CPA1: variants seen among roughly 807,000 people sequenced by gnomAD.
The protein encoded by CPA1 is carboxypeptidase A1.
In CPA1, 42 loss-of-function variants were observed where a neutral mutation model predicts 48.7. The observed-to-expected ratio is 0.86, with a 90% CI of 0.67 to 1.11. CPA1 has a LOEUF of 1.11. Among genes scored for constraint, CPA1 ranks in the 50% most tolerant of loss-of-function variants. The pLI is 0.00. For missense variants in CPA1, 477 were observed against 544.7 expected (o/e 0.88, Z 1.24); for synonymous variants, 203 against 217.9 (o/e 0.93, Z 0.60).
chr7:130,386,589 C>A (rs1796480140), intron 9 of CPA1, among the ~76,000 whole-genome samples: 1 of 152,036 alleles, frequency 6.6e-6, no homozygotes, highest in African/African-American at 2.4e-5. Flanking sequence ...GACAATAGGC[C>A]TGATTTATTC....
Position 130,380,524 on chromosome 7 carries a change from CG to C in CPA1, c.9del (p.Leu4CysfsTer4). 7.6e-7 allele frequency: 1 copy of C among 1,314,776 alleles called. No individual in the cohort carries two copies. Among genetic ancestry groups the C allele is most frequent in the Non-Finnish European group, 9.8e-7 (1 of 1,023,500 alleles). The allele number at this position is 1,314,776 out of a possible 1,614,324, so 81.4% of individuals were successfully genotyped here. On this transcript the variant is annotated frameshift_variant, in exon 1 of 10. Transcript: ENST00000011292. LOFTEE classifies it high-confidence loss of function. M[R>X]GLLVLSVLLG... ...GACCTTCCCTCCCGGCAGCAGCATG[CG>C]GGGGTTGCTGGTGTTGAGTGTCCTG...
chr7:130,384,376 CT>C, intron 6 of CPA1, 159 bp from the exon 7 acceptor site: 1 of 625,194 alleles, frequency 1.6e-6, no homozygotes, highest in Admixed American at 2.8e-5. Flanking sequence ...GTGCCTGCAG[CT>C]CAGCTTCCAA....
intron 9 of CPA1, 123 bp downstream of exon 9, chr7:130,386,046 C>A (rs1796470899): frequency 2.5e-6 from 2 of 791,508 alleles, no homozygotes; most frequent in Non-Finnish European, 4.2e-6. Context: ...CAACTGCTGG[C>A]AAGGGCTATT....
rs781892742 is a variant in CPA1 at position 130,381,700 on chromosome 7, A to G, written c.218A>G (p.Gln73Arg). 4.3e-6 allele frequency: 7 copies of G among 1,613,788 alleles called. No individual in the cohort carries two copies. In the African/African-American group the frequency reaches 6.7e-5, roughly 15 times the overall value. The stretch of plus-strand genomic sequence containing the variant: ...GTCCGAGTGCCCTTCCCCAGCATCC[A>G]GGCGGTCAAGATCTTTCTGGAGTCC... ...IDVRVPFPSI[Q>R]AVKIFLESHG... The change falls in exon 3 of 10, where the codon CAG becomes CGG. Residue 73 changes from glutamine (Q) to arginine (R), a missense_variant. Coordinates refer to ENST00000011292, the MANE Select transcript of CPA1 (RefSeq NM_001868.4).
chr7:130,385,368 C>A, intron 8 of CPA1, 23 bp downstream of exon 8: 1 of 1,611,396 alleles, frequency 6.2e-7, no homozygotes. Flanking sequence ...CTCGGCTTGC[C>A]CCCTCGTCCC....
intron 6 of CPA1, 190 bp from the exon 7 acceptor site, chr7:130,384,346 A>T (rs1796444598): frequency 3.4e-6 from 2 of 595,618 alleles, no homozygotes; most frequent in African/African-American, 1.9e-5. Flanking sequence ...ACCAGCTGGG[A>T]GTGGATCCCA....
intron 7 of CPA1, 126 bp from the exon 8 acceptor site, chr7:130,385,020 C>T (rs1796454396): frequency 3.1e-6 from 3 of 961,464 alleles, no homozygotes; most frequent in Admixed American, 2.0e-5. Context: ...TTTGGGCTTT[C>T]CTGAATCCAG....
chr7:130,383,702 C>A lies in CPA1; in HGVS notation c.604C>A (p.Gln202Lys), dbSNP rs61735962. ...FAKKITQDYG[Q>K]DAAFTAILDT... ...CCCCCAGATCACTCAAGACTACGGG[C>A]AGGATGCAGCTTTCACCGCCATTCT... The change falls in exon 6 of 10, where the codon CAG becomes AAG. Residue 202 changes from glutamine to lysine, a missense_variant. Gln to Lys is a moderately conservative substitution (Grantham distance 53). Coordinates refer to ENST00000011292, the MANE Select transcript of CPA1 (RefSeq NM_001868.4). 1,102 of 1,613,880 alleles carry A rather than the reference C, an allele frequency of 6.8e-4. 9 individuals carry two copies. In the African/African-American group the frequency reaches 0.012, roughly 18 times the overall value.
At chr7:130,384,233 C>T (rs886967279) in intron 6 of CPA1, 6 of 483,104 alleles carry the variant, frequency 1.2e-5, no homozygotes, top group South Asian at 2.6e-5. Context: ...GAGGACACCT[C>T]GCAGCTTCTT....
intron 7 of CPA1, 175 bp from the exon 8 acceptor site, chr7:130,384,971 C>A: frequency 1.5e-6 from 1 of 668,516 alleles, no homozygotes. Flanking sequence ...TCTGCCCAAA[C>A]CAGGCTGGGA....
intron 9 of CPA1, among the ~76,000 whole-genome samples, chr7:130,386,199 G>A (rs1282856306): frequency 2.0e-5 from 3 of 151,952 alleles, no homozygotes; most frequent in Non-Finnish European, 2.9e-5. Context: ...GGAGAGTCCT[G>A]CTGGGATTTG....
rs909143710 is a variant in CPA1 at position 130,387,521 on chromosome 7, G to A, written c.1073-303G>A. ...ACTCGGTATATTTAGGGGCTTCACC[G>A]AAAGGGCTGTTGGACAGAGGCTGTT... On this transcript the variant is annotated intron_variant, in intron 9 of 9. Transcript: ENST00000011292. This position sits in a 1 kb window ranked among gnomAD's most constrained non-coding sequence, Gnocchi z 4.6. Among the ~76,000 whole-genome samples, 36 of 152,206 alleles carry A rather than the reference G, an allele frequency of 2.4e-4. 1 individual carries two copies. The highest frequency in any genetic ancestry group is 8.2e-4 in the African/African-American group (34 of 41,458).
At chr7:130,386,023 C>A in intron 9 of CPA1, 100 bp downstream of exon 9, 2 of 1,059,022 alleles carry the variant, frequency 1.9e-6, no homozygotes, top group Non-Finnish European at 2.8e-6. Flanking sequence ...TAGCCAAGGG[C>A]ACCCAGATCT....
chr7:130,383,902 A>G lies in CPA1; in HGVS notation c.696+108A>G, dbSNP rs1250011613. 3.6e-6 allele frequency: 3 copies of G among 832,658 alleles called. No homozygotes were observed. In the Admixed American group the frequency reaches 5.5e-5, roughly 15 times the overall value. The allele number at this position is 832,658 out of a possible 1,614,324, so 51.6% of individuals were successfully genotyped here. On this transcript the variant is annotated intron_variant, in intron 6 of 9. Transcript: ENST00000011292. ...AGCCCCAGAAGTCAAGGGAGGGGCA[A>G]TCAGACCTGTGCTCCTAGCCGAGGG...
At chr7:130,381,027 G>T in intron 1 of CPA1, 71 bp from the exon 2 acceptor site, 1 of 1,270,166 alleles carries the variant, frequency 7.9e-7, no homozygotes, top group Admixed American at 1.8e-5. Flanking sequence ...CCTCCCTCCT[G>T]CACCTGGGGA....
chr7:130,385,317 C>G lies in CPA1; in HGVS notation c.959C>G (p.Thr320Arg), dbSNP rs782510117. The G allele has an allele frequency of 1.9e-6, 3 of 1,614,112 alleles. No homozygotes were observed. The Admixed American group carries it at 5.0e-5, about 27-fold the overall frequency. ...CTCATGTATCCCTATGGCTACAAAACAGAACCAGTCCCTGACCAGGATGAG... is the reference window on the plus strand; with the variant it reads ...CTCATGTATCCCTATGGCTACAAAAGAGAACCAGTCCCTGACCAGGATGAG... ...QLLMYPYGYK[T>R]EPVPDQDELD... Residue 320 changes from threonine (T) to arginine (R), a missense_variant, in exon 8 of 10, where the codon ACA (threonine) becomes AGA (arginine). Coordinates refer to ENST00000011292, the MANE Select transcript of CPA1 (RefSeq NM_001868.4).
Position 130,382,699 on chromosome 7 carries a change from C to T in CPA1, c.483+490C>T, listed in dbSNP as rs1192043701. ...TCACCCAGGCTGGAGTACAGTGGCGCAGTAGCGTCATCTCGGCTCACTGAA... is the reference window on the plus strand; with the variant it reads ...TCACCCAGGCTGGAGTACAGTGGCGTAGTAGCGTCATCTCGGCTCACTGAA... On this transcript the variant is annotated intron_variant, in intron 4 of 9. Transcript: ENST00000011292. Among the ~76,000 whole-genome samples, 10 of 139,478 alleles carry T rather than the reference C, an allele frequency of 7.2e-5. No individual in the cohort carries two copies. The Admixed American group carries it at 7.6e-4, about 11-fold the overall frequency. The allele number at this position is 139,478 out of a possible 152,430, so 91.5% of individuals were successfully genotyped here.
rs58978551 is a variant in CPA1 at position 130,380,798 on chromosome 7, TGAG to T, written c.65+220_65+222del. On this transcript the variant is annotated intron_variant, in intron 1 of 9. Coordinates refer to ENST00000011292, the MANE Select transcript of CPA1 (RefSeq NM_001868.4). ...CTGAGCCCTGGAGAAACCTGAGCTCTGAGGAGGAGTTTTCAGGAGAGGAGAAAG... is the reference window on the plus strand; with the variant it reads ...CTGAGCCCTGGAGAAACCTGAGCTCTGAGGAGTTTTCAGGAGAGGAGAAAG... 6.4e-3 allele frequency: 3,521 copies of T among 550,768 alleles called. 95 individuals carry two copies. The highest frequency in any genetic ancestry group is 0.061 in the African/African-American group (3,149 of 51,746). 34.1% of individuals were successfully genotyped at this position (550,768 alleles called of 1,614,324 possible). A position where few individuals can be genotyped will look rare whatever the true frequency, so the allele number is the denominator to read the frequency against.
Position 130,382,081 on chromosome 7 carries a change from C to T in CPA1, c.382-27C>T, listed in dbSNP as rs372056259. 67 of 1,586,304 alleles carry T rather than the reference C, an allele frequency of 4.2e-5. 1 individual carries two copies. The African/African-American group carries it at 8.3e-4, about 20-fold the overall frequency. ...TCTGGGTGCCCAGAAGCTATTAAGG[C>T]CAGTGGTCTCTTCTTTCACACCTCA... is the stretch of plus-strand genomic sequence containing the variant. On this transcript the variant is annotated intron_variant, in intron 3 of 9. Coordinates refer to ENST00000011292, the MANE Select transcript of CPA1 (RefSeq NM_001868.4).
Sources: gnomAD v4.1 joint callset for allele counts (sites outside exome capture counted in the v4.1 genomes callset) on GRCh38, gnomAD v4.1.1 for gene constraint, Gnocchi (gnomAD v3.1) non-coding constraint, MANE v1.5 for transcripts, NCBI Gene and HGNC (gene_info 2026-07-23, HGNC 2026-07-21) for gene names.